KCNMA1: variants seen among roughly 807,000 people sequenced by gnomAD.
The protein encoded by KCNMA1 is potassium calcium-activated channel subfamily M alpha 1.
Under a neutral mutation model 140.0 loss-of-function variants are expected in KCNMA1, and 29 were observed. The observed-to-expected ratio is 0.21, with a 90% CI of 0.15 to 0.28. The LOEUF (loss-of-function observed/expected upper bound fraction) is 0.28. Ranked by LOEUF, KCNMA1 falls within the 10% of genes least tolerant of loss-of-function variation. KCNMA1 has a pLI of 1.00. For missense variants in KCNMA1, 880 were observed against 1,602.2 expected, an observed-to-expected ratio of 0.55 and a Z score of 7.70; for synonymous variants, 612 against 611.9, an observed-to-expected ratio of 1.00 and a Z score of 0.00.
chr10:77,226,492 C>T (rs2051463240), intron 3 of KCNMA1, among the ~76,000 whole-genome samples: 1 of 151,824 alleles, frequency 6.6e-6, no homozygotes, highest in African/African-American at 2.4e-5. Flanking sequence ...GCCTCCCACC[C>T]CTCAAGCATG....
rs1419037933 is a variant in KCNMA1 at position 76,898,854 on chromosome 10, T to C, written c.3148-7135A>G. Among the ~76,000 whole-genome samples, 3 of 151,928 alleles carry C rather than the reference T, an allele frequency of 2.0e-5. No individual in the cohort carries two copies. In the East Asian group the frequency reaches 5.8e-4, roughly 29 times the overall value. On this transcript the variant is annotated intron_variant, in intron 25 of 27. Coordinates refer to ENST00000286628, the MANE Select transcript of KCNMA1 (RefSeq NM_001161352.2). Reference sequence around the variant, plus strand: ...AAAATTAAGTATTAAAAGAATTCTTTTTTTAAAAAAAAGCAGGATGAAAAG... The same window carrying C: ...AAAATTAAGTATTAAAAGAATTCTTCTTTTAAAAAAAAGCAGGATGAAAAG...
downstream of KCNMA1, chr10:76,873,125 A>G (rs922920651): frequency 3.3e-5 from 5 of 152,178 alleles, no homozygotes; most frequent in African/African-American, 9.7e-5. Flanking sequence ...GCTTCTTTTT[A>G]TACATGTTTT....
At chr10:77,179,831 G>A (rs963381961) in intron 5 of KCNMA1, among the ~76,000 whole-genome samples, 2 of 152,206 alleles carry the variant, frequency 1.3e-5, no homozygotes, top group African/African-American at 4.8e-5. Context: ...TGAGGATTAA[G>A]TGAGTCCGTG....
At chr10:77,280,393 T>C (rs2068073649) in intron 2 of KCNMA1, among the ~76,000 whole-genome samples, 1 of 152,234 alleles carries the variant, frequency 6.6e-6, no homozygotes, top group Non-Finnish European at 1.5e-5. Flanking sequence ...TTCTGTCCTG[T>C]CCAAGAGAAG....
At chr10:77,367,397 G>C (rs2094432810) in intron 2 of KCNMA1, among the ~76,000 whole-genome samples, 1 of 152,142 alleles carries the variant, frequency 6.6e-6, no homozygotes, top group African/African-American at 2.4e-5. Context: ...GAAATGAGCT[G>C]AATCTGCATG....
At chr10:77,370,542 A>C (rs1425800304) in intron 2 of KCNMA1, among the ~76,000 whole-genome samples, 1 of 152,198 alleles carries the variant, frequency 6.6e-6, no homozygotes. Context: ...TTAAACATCC[A>C]AAGACCTTTA....
chr10:77,198,385 A>AGGGGT (rs2041320551), intron 3 of KCNMA1, among the ~76,000 whole-genome samples: 1 of 152,056 alleles, frequency 6.6e-6, no homozygotes, highest in Non-Finnish European at 1.5e-5. Flanking sequence ...AAAGCCATTT[A>AGGGGT]TAACCCTGAA....
At chr10:77,237,155 GAAC>G (rs1043953585) in intron 3 of KCNMA1, among the ~76,000 whole-genome samples, 3 of 152,174 alleles carry the variant, frequency 2.0e-5, no homozygotes, top group Non-Finnish European at 4.4e-5. Flanking sequence ...ACCTCAAAAA[GAAC>G]AATACCAATA....
rs541279536 is a variant in KCNMA1, at chr10:77,409,656, G to A, written c.379-5633C>T. Among the ~76,000 whole-genome samples, 5 of 152,268 alleles carry A rather than the reference G, an allele frequency of 3.3e-5. No individual in the cohort carries two copies. The South Asian group carries it at 1.0e-3, about 32-fold the overall frequency. ...AAAGGGCCCAGCCTTCCCCAGCCAC[G>A]ACAGCTGCTCTGGTCTAGCACAGGA... On this transcript the variant is annotated intron_variant, in intron 1 of 27. Transcript: ENST00000286628.
chr10:77,524,722 C>G (rs539734091), intron 1 of KCNMA1, among the ~76,000 whole-genome samples: 1 of 152,236 alleles, frequency 6.6e-6, no homozygotes, highest in East Asian at 1.9e-4. Context: ...GACTGAGGGA[C>G]CTGGGTCTCA....
At chr10:77,057,333 G>A (rs929129483) in intron 14 of KCNMA1, among the ~76,000 whole-genome samples, 1 of 152,238 alleles carries the variant, frequency 6.6e-6, no homozygotes, top group East Asian at 1.9e-4. Flanking sequence ...AGTAATGAAA[G>A]TGAAATAAAG....
At chr10:77,016,943 C>T (rs2092158279) in intron 17 of KCNMA1, among the ~76,000 whole-genome samples, 1 of 152,014 alleles carries the variant, frequency 6.6e-6, no homozygotes, top group Non-Finnish European at 1.5e-5. Context: ...TAGTTTCATT[C>T]AAATCTCCAA....
At chr10:77,458,457 C>T (rs2097795374) in intron 1 of KCNMA1, among the ~76,000 whole-genome samples, 1 of 152,198 alleles carries the variant, frequency 6.6e-6, no homozygotes, top group Non-Finnish European at 1.5e-5. Flanking sequence ...GGAATGACTT[C>T]AACTTACACA....
chr10:77,303,846 A>C (rs2077069922), intron 2 of KCNMA1, among the ~76,000 whole-genome samples: 1 of 152,220 alleles, frequency 6.6e-6, no homozygotes, highest in Non-Finnish European at 1.5e-5. Context: ...CTTTATCAGC[A>C]ATGAAATTGA....
intron 3 of KCNMA1, among the ~76,000 whole-genome samples, chr10:77,220,214 G>A (rs983786500): frequency 2.6e-5 from 4 of 152,214 alleles, no homozygotes; most frequent in Admixed American, 6.5e-5. Flanking sequence ...TAGCTGGTGA[G>A]TAATTAGGCA....
At chr10:77,428,173 C>T (rs190772980) in intron 1 of KCNMA1, among the ~76,000 whole-genome samples, 16 of 152,260 alleles carry the variant, frequency 1.1e-4, no homozygotes, top group South Asian at 8.3e-4. Flanking sequence ...AAGGACAATG[C>T]CCCTCTCTAC....
chr10:77,327,984 C>T (rs1453400755), intron 2 of KCNMA1, among the ~76,000 whole-genome samples: 1 of 152,158 alleles, frequency 6.6e-6, no homozygotes, highest in East Asian at 1.9e-4. Context: ...AGGTCAGCCC[C>T]TCCCTTTCCA....
At chr10:77,112,616 C>A (rs973142364) in intron 6 of KCNMA1, among the ~76,000 whole-genome samples, 174 bp from the exon 7 acceptor site, 2 of 152,182 alleles carry the variant, frequency 1.3e-5, no homozygotes, top group African/African-American at 2.4e-5. Context: ...GGATGAAGGT[C>A]AGGACAGAGC....
intron 13 of KCNMA1, among the ~76,000 whole-genome samples, chr10:77,078,408 T>C (rs1452931298): frequency 6.6e-6 from 1 of 152,242 alleles, no homozygotes; most frequent in African/African-American, 2.4e-5. Context: ...GACACTGGAC[T>C]CTGGTTTACT....
Sources: gnomAD v4.1 joint callset for allele counts (sites outside exome capture counted in the v4.1 genomes callset) on GRCh38, gnomAD v4.1.1 for gene constraint, MANE v1.5 for transcripts, NCBI Gene and HGNC (gene_info 2026-07-23, HGNC 2026-07-21) for gene names.